The following CFAP92 variants were observed in gnomAD, a reference collection of about 807,000 sequenced individuals.
CFAP92 encodes uncharacterized protein CFAP92.
A neutral mutation model predicts 106.3 loss-of-function variants in CFAP92; 86 were observed. That is an observed-to-expected ratio of 0.81 (90% CI 0.68 to 0.97). CFAP92 has a LOEUF of 0.97. Among genes scored for constraint, CFAP92 ranks in the 50% least tolerant of loss-of-function variants. The probability of loss-of-function intolerance (pLI) is 0.00; values close to 1 mark genes in which losing one functional copy is unlikely to be tolerated. For missense variants in CFAP92, 1,204 were observed against 1,283.8 expected, an observed-to-expected ratio of 0.94 and a Z score of 0.95; for synonymous variants, 477 against 506.4, an observed-to-expected ratio of 0.94 and a Z score of 0.78.
chr3:128,986,198 T>C (rs962068323), intron 4 of CFAP92, among the ~76,000 whole-genome samples: 1 of 151,810 alleles, frequency 6.6e-6, no homozygotes, highest in African/African-American at 2.4e-5. Context: ...ACAACGATAA[T>C]AGTACCATAT....
intron 15 of CFAP92, chr3:128,910,784 A>C: frequency 6.2e-7 from 1 of 1,614,096 alleles, no homozygotes; most frequent in Non-Finnish European, 8.5e-7. Context: ...TACTTGCAGA[A>C]TCTCTTCAGC....
At chr3:129,004,534 C>A (rs1944984147), upstream of CFAP92, among the ~76,000 whole-genome samples, 1 of 150,050 alleles carries the variant, frequency 6.7e-6, no homozygotes, top group Admixed American at 6.7e-5. Flanking sequence ...ATCCATCCCC[C>A]CACCCACCCA....
At chr3:128,933,398 A>G (rs75938717) in intron 11 of CFAP92, among the ~76,000 whole-genome samples, 3,437 of 152,156 alleles carry the variant, frequency 0.023, 139 homozygotes, top group African/African-American at 0.078. Flanking sequence ...AATAGAGGAG[A>G]AGGAGGAGGC....
At chr3:128,982,669 A>G (rs181690581) in intron 4 of CFAP92, among the ~76,000 whole-genome samples, 15 of 152,282 alleles carry the variant, frequency 9.9e-5, no homozygotes, top group Admixed American at 9.2e-4. Context: ...CTTTTGACTT[A>G]AAGGGAGAGA....
chr3:128,920,810 C>T (rs879671210), intron 12 of CFAP92, among the ~76,000 whole-genome samples: 5 of 152,210 alleles, frequency 3.3e-5, no homozygotes, highest in Non-Finnish European at 5.9e-5. Context: ...TAAAACCCCT[C>T]GTGGCCTCTG....
At chr3:128,931,479 ATATATG>A (rs1938368018) in intron 12 of CFAP92, among the ~76,000 whole-genome samples, 1 of 148,842 alleles carries the variant, frequency 6.7e-6, no homozygotes, top group African/African-American at 2.5e-5. Context: ...ATACATGTAT[ATATATG>A]TATGTATGTA....
At chr3:128,986,549 C>G (rs1251268919) in intron 4 of CFAP92, among the ~76,000 whole-genome samples, 1 of 152,110 alleles carries the variant, frequency 6.6e-6, no homozygotes, top group East Asian at 1.9e-4. Context: ...CTCTAAGCAT[C>G]AGGATGCATC....
chr3:128,991,895 T>C, intron 2 of CFAP92: 1 of 986,410 alleles, frequency 1.0e-6, no homozygotes, highest in Non-Finnish European at 1.2e-6. Flanking sequence ...AAGTACTACT[T>C]GTCTCCTCCC....
intron 11 of CFAP92, among the ~76,000 whole-genome samples, chr3:128,933,992 T>G (rs1481183419): frequency 6.6e-6 from 1 of 152,206 alleles, no homozygotes; most frequent in East Asian, 1.9e-4. Flanking sequence ...TTGTACCTCC[T>G]GCCCCACACC....
At chr3:128,921,255 AAG>A (rs1937258156) in intron 12 of CFAP92, among the ~76,000 whole-genome samples, 1 of 152,208 alleles carries the variant, frequency 6.6e-6, no homozygotes, top group African/African-American at 2.4e-5. Flanking sequence ...GAGTGTGTGA[AAG>A]AGGATGCATC....
At chr3:129,001,111 G>A (rs1211741011) in intron 1 of CFAP92, among the ~76,000 whole-genome samples, 1 of 152,228 alleles carries the variant, frequency 6.6e-6, no homozygotes, top group Non-Finnish European at 1.5e-5. Flanking sequence ...GGGAAGAGGG[G>A]GAAGAGTGAC....
chr3:129,001,461 A>G (rs1216606174), intron 1 of CFAP92, among the ~76,000 whole-genome samples: 1 of 152,204 alleles, frequency 6.6e-6, no homozygotes, highest in Non-Finnish European at 1.5e-5. Flanking sequence ...GGGGTAAACC[A>G]GACGCACTGT....
chr3:129,008,521 C>G, the CFAP92 span, among the ~76,000 whole-genome samples: 1 of 152,210 alleles, frequency 6.6e-6, no homozygotes, highest in East Asian at 1.9e-4. Flanking sequence ...ACAGGATGGA[C>G]AATAAATATG....
chr3:128,911,286 G>C (rs1351903642), intron 15 of CFAP92, among the ~76,000 whole-genome samples: 1 of 152,134 alleles, frequency 6.6e-6, no homozygotes, highest in Non-Finnish European at 1.5e-5. Context: ...TCCAACTCCT[G>C]ACCTCAGGTG....
intron 12 of CFAP92, among the ~76,000 whole-genome samples, chr3:128,922,974 C>G (rs2107688459): frequency 6.6e-6 from 1 of 152,370 alleles, no homozygotes; most frequent in Non-Finnish European, 1.5e-5. Flanking sequence ...GGGCCTGCTT[C>G]TCATTATCAG....
rs1203026753 is a variant in CFAP92 at position 128,945,495 on chromosome 3, TG to T, written c.1833del (p.Arg612GlufsTer15). ...RRRKVVGLGV[P>X]RDGHQHGPMP... Reference sequence around the variant, plus strand: ...ATTGGGCCGTGCTGGTGGCCATCTCTGGGGACCCCAAGCCCCACAACCTTCC... The same window carrying T: ...ATTGGGCCGTGCTGGTGGCCATCTCTGGGACCCCAAGCCCCACAACCTTCC... On this transcript the variant is annotated frameshift_variant, in exon 10 of 16. Coordinates refer to ENST00000645291, the MANE Select transcript of CFAP92 (RefSeq NM_001394090.1). LOFTEE classifies it high-confidence loss of function. 1 of 1,536,132 alleles carries T rather than the reference TG, an allele frequency of 6.5e-7. No individual in the cohort carries two copies. The highest frequency in any genetic ancestry group is 1.2e-5 in the South Asian group (1 of 84,062).
intron 2 of CFAP92, 73 bp from the exon 3 acceptor site, chr3:128,988,991 G>A: frequency 8.4e-7 from 1 of 1,186,284 alleles, no homozygotes; most frequent in Non-Finnish European, 1.2e-6. Context: ...CCAGTTCCCT[G>A]GAGCTTGATG....
intron 4 of CFAP92, among the ~76,000 whole-genome samples, chr3:128,979,445 G>A (rs1440867363): frequency 6.6e-6 from 1 of 152,034 alleles, no homozygotes; most frequent in African/African-American, 2.4e-5. Context: ...CCCATTACTG[G>A]GTATATACCC....
At chr3:128,972,388 C>T (rs569784321) in intron 7 of CFAP92, among the ~76,000 whole-genome samples, 7 of 151,794 alleles carry the variant, frequency 4.6e-5, no homozygotes, top group Admixed American at 3.3e-4. Flanking sequence ...ACCACAGGCG[C>T]GTGCTACCAC....
Sources: allele counts gnomAD v4.1 joint callset (sites outside exome capture counted in the v4.1 genomes callset), GRCh38; gene constraint gnomAD v4.1.1; transcripts MANE v1.5; gene names NCBI Gene and HGNC (gene_info 2026-07-23, HGNC 2026-07-21).